Variants in FGGY observed in about 807,000 individuals in gnomAD.
The protein encoded by FGGY is FGGY carbohydrate kinase domain containing, also known as FGGY carbohydrate kinase domain-containing protein.
Under a neutral mutation model 71.3 loss-of-function variants are expected in FGGY, and 72 were observed. The observed-to-expected ratio is 1.01, with a 90% confidence interval of 0.84 to 1.23. The LOEUF is 1.23. FGGY is among the 50% of genes most tolerant of loss of function. FGGY has a pLI of 0.00. For synonymous variants in FGGY, 251 were observed against 250.3 expected, an observed-to-expected ratio of 1.00 and a Z score of -0.02; for missense variants, 668 against 682.3, an observed-to-expected ratio of 0.98 and a Z score of 0.23.
chr1:59,533,099 T>G (rs1248017020), intron 7 of FGGY, among the ~76,000 whole-genome samples: 1 of 151,728 alleles, frequency 6.6e-6, no homozygotes, highest in Non-Finnish European at 1.5e-5. Flanking sequence ...AGGTACGGGG[T>G]TCATCTCACT....
chr1:59,391,133 C>T (rs1013754689), intron 5 of FGGY, among the ~76,000 whole-genome samples: 2 of 152,226 alleles, frequency 1.3e-5, no homozygotes, highest in African/African-American at 2.4e-5. Flanking sequence ...ACCTGTGGTT[C>T]GATGACCTTT....
intron 14 of FGGY, chr1:59,699,286 A>T: frequency 2.0e-6 from 2 of 985,088 alleles, no homozygotes; most frequent in Non-Finnish European, 2.4e-6. Context: ...AAAGGAAATT[A>T]AAAATTCAAT....
rs577646961 is a variant in FGGY, at chr1:59,499,682, A to T, written c.671-12629A>T. Among the ~76,000 whole-genome samples, 19 of 152,292 alleles carry T rather than the reference A, an allele frequency of 1.2e-4. No individual in the cohort carries two copies. The South Asian group carries it at 3.9e-3, about 32-fold the overall frequency. ...TATTCCATTTCTTCATATGTTTGAG[A>T]TATTTCTGGCTTTGGTGAAACATAG... On this transcript the variant is annotated intron_variant, in intron 6 of 15. Coordinates refer to ENST00000303721, the MANE Select transcript of FGGY (RefSeq NM_018291.5).
chr1:59,698,537 C>T (rs4244022), intron 14 of FGGY: 70,623 of 152,342 alleles, frequency 0.46, 17,981 homozygotes, highest in Middle Eastern at 0.59. Context: ...ACCATTCATT[C>T]GACCTCTCAA....
chr1:59,556,920 G>A (rs1037959667), intron 8 of FGGY, among the ~76,000 whole-genome samples: 1 of 152,198 alleles, frequency 6.6e-6, no homozygotes, highest in African/African-American at 2.4e-5. Context: ...TATGATGGCT[G>A]TGTTGTGCTG....
intron 10 of FGGY, among the ~76,000 whole-genome samples, chr1:59,636,554 C>T (rs532576271): frequency 4.6e-5 from 7 of 152,080 alleles, no homozygotes; most frequent in South Asian, 2.1e-4. Context: ...ACCCGGGAGG[C>T]GGAGCTTGCA....
chr1:59,514,523 C>T (rs1455449578), intron 7 of FGGY, among the ~76,000 whole-genome samples: 1 of 152,140 alleles, frequency 6.6e-6, no homozygotes, highest in East Asian at 1.9e-4. Flanking sequence ...GCCTTTTGTT[C>T]CCCGTAAAAT....
At chr1:59,452,288 AATTAAG>A (rs1163852099) in intron 5 of FGGY, among the ~76,000 whole-genome samples, 3 of 152,132 alleles carry the variant, frequency 2.0e-5, no homozygotes, top group Non-Finnish European at 4.4e-5. Context: ...TACTATGGTA[AATTAAG>A]ATAAAGATAA....
chr1:59,500,514 A>G (rs146866479), intron 6 of FGGY, among the ~76,000 whole-genome samples: 136 of 152,116 alleles, frequency 8.9e-4, no homozygotes, highest in Non-Finnish European at 5.1e-4. Flanking sequence ...CTTTTATGAT[A>G]TATATCTGCA....
At chr1:59,595,359 A>G (rs1200078357) in intron 8 of FGGY, among the ~76,000 whole-genome samples, 1 of 152,184 alleles carries the variant, frequency 6.6e-6, no homozygotes, top group East Asian at 1.9e-4. Context: ...TAATTGGCAC[A>G]GGTTGCTTTA....
At chr1:59,688,738 A>C (rs1027192898) in intron 14 of FGGY, among the ~76,000 whole-genome samples, 2 of 129,044 alleles carry the variant, frequency 1.5e-5, no homozygotes, top group African/African-American at 3.0e-5. Flanking sequence ...TATAAGACCA[A>C]GTGTTTTTTA....
chr1:59,513,629 C>G (rs566355801), intron 7 of FGGY, among the ~76,000 whole-genome samples: 61 of 152,316 alleles, frequency 4.0e-4, no homozygotes, highest in African/African-American at 1.4e-3. Context: ...TCAAATATAT[C>G]TGCATGTCAT....
At chr1:59,531,885 C>T (rs553320793) in intron 7 of FGGY, among the ~76,000 whole-genome samples, 4 of 152,340 alleles carry the variant, frequency 2.6e-5, no homozygotes, top group African/African-American at 9.6e-5. Context: ...TCTATCCCTA[C>T]TTGAGCTAAC....
chr1:59,588,343 GA>G (rs2096354322), intron 8 of FGGY, among the ~76,000 whole-genome samples: 1 of 151,960 alleles, frequency 6.6e-6, no homozygotes, highest in South Asian at 2.1e-4. Flanking sequence ...GTGACGGAGA[GA>G]ATGGAACCAA....
intron 7 of FGGY, among the ~76,000 whole-genome samples, chr1:59,535,435 T>C (rs1262660384): frequency 6.6e-6 from 1 of 151,928 alleles, no homozygotes. Context: ...AGAGAGAAAG[T>C]CAACAAGGAT....
At chr1:59,641,643 G>A (rs1301355994) in intron 11 of FGGY, among the ~76,000 whole-genome samples, 1 of 152,170 alleles carries the variant, frequency 6.6e-6, no homozygotes, top group Non-Finnish European at 1.5e-5. Flanking sequence ...AAACCCTGAT[G>A]CAGCCTTTTT....
chr1:59,420,482 G>A (rs2065221562), intron 5 of FGGY, among the ~76,000 whole-genome samples: 1 of 152,124 alleles, frequency 6.6e-6, no homozygotes, highest in African/African-American at 2.4e-5. Flanking sequence ...ATTTGTCCTT[G>A]GATCTCAGTC....
At chr1:59,677,421 T>C (rs928158207) in intron 14 of FGGY, among the ~76,000 whole-genome samples, 2 of 152,330 alleles carry the variant, frequency 1.3e-5, no homozygotes, top group African/African-American at 4.8e-5. Flanking sequence ...GGATTTCACT[T>C]CTTATCTAGA....
intron 14 of FGGY, chr1:59,699,230 T>C: frequency 1.0e-6 from 1 of 985,306 alleles, no homozygotes; most frequent in Non-Finnish European, 1.2e-6. Flanking sequence ...TTTTTCTGGC[T>C]AAAAAATGAT....
Sources: gnomAD v4.1 joint callset for allele counts (sites outside exome capture counted in the v4.1 genomes callset) on GRCh38, gnomAD v4.1.1 for gene constraint, MANE v1.5 for transcripts, NCBI Gene and HGNC (gene_info 2026-07-23, HGNC 2026-07-21) for gene names.